Variants in NHSL2 observed in about 807,000 individuals in gnomAD.
NHSL2 encodes the protein NHS-like protein 2.
NHSL2 carries 27 observed loss-of-function variants against 53.4 expected under a neutral mutation model. The observed-to-expected ratio is 0.51, with a 90% confidence interval of 0.37 to 0.70. NHSL2 has a LOEUF of 0.70. NHSL2 is among the 30% of genes least tolerant of loss of function. NHSL2 has a pLI of 0.00. For missense variants in NHSL2, 892 were observed against 980.1 expected, an observed-to-expected ratio of 0.91 and a Z score of 1.20; for synonymous variants, 408 against 404.1, an observed-to-expected ratio of 1.01 and a Z score of -0.12.
intron 1 of NHSL2, among the ~76,000 whole-genome samples, chrX:71,973,251 T>C (rs1004774394): frequency 2.7e-5 from 3 of 112,488 alleles, no homozygotes; most frequent in Non-Finnish European, 5.6e-5. Flanking sequence ...CTAGTGCATG[T>C]GCACAGCCTT....
intron 1 of NHSL2, among the ~76,000 whole-genome samples, chrX:72,020,948 CTT>C (rs940909945): frequency 8.9e-6 from 1 of 112,609 alleles, no homozygotes; most frequent in African/African-American, 3.2e-5. Flanking sequence ...ACAGACCACA[CTT>C]TGAGTAGCAA....
chrX:72,093,612 T>C (rs776282843), intron 1 of NHSL2, among the ~76,000 whole-genome samples: 2 of 112,627 alleles, frequency 1.8e-5, no homozygotes, highest in East Asian at 5.6e-4. Context: ...CATTGATAGA[T>C]GTTGAGGATG....
chrX:71,911,621 T>C (rs2041603236), intron 1 of NHSL2, among the ~76,000 whole-genome samples: 1 of 112,310 alleles, frequency 8.9e-6, no homozygotes, highest in African/African-American at 3.2e-5. Flanking sequence ...CTCCCGACCC[T>C]GGGGTTGGTG....
chrX:72,130,024 C>T (rs771936813), intron 1 of NHSL2: 2 of 1,209,210 alleles, frequency 1.7e-6, no homozygotes, highest in East Asian at 3.0e-5. Context: ...CTGGTTCCTC[C>T]GTCTGCTAGG....
chrX:71,981,412 G>T (rs1440580625), intron 1 of NHSL2, among the ~76,000 whole-genome samples: 1 of 109,720 alleles, frequency 9.1e-6, no homozygotes, highest in Non-Finnish European at 1.9e-5. Context: ...TGAGTGTGTT[G>T]GCACACACCT....
In NHSL2 at chrX:72,143,268, G is replaced by A; in HGVS notation, c.3372G>A (p.Leu1124=). ...TCTTATCTAGGTCCAAAAGGAAGCT[G>A]CTCGGCTGGAAGGAACCTGGTGAGG... ...FTVIHRSKRK[L]LGWKEPGEAF... The change falls in exon 8 of 8, where the codon CTG becomes CTA. Residue 1124 remains leucine, a synonymous_variant. Transcript: ENST00000633930. 8.7e-7 allele frequency: 1 copy of A among 1,156,056 alleles called. No homozygotes were observed. The highest frequency in any genetic ancestry group is 1.2e-6 in the Non-Finnish European group (1 of 866,903).
chrX:72,073,263 G>A (rs909202497), intron 1 of NHSL2, among the ~76,000 whole-genome samples: 1 of 110,614 alleles, frequency 9.0e-6, no homozygotes, highest in African/African-American at 3.3e-5. Context: ...GGGTGAGGGT[G>A]GGGGCGGGGG....
At chrX:72,123,878 C>G (rs2042201194) in intron 1 of NHSL2, among the ~76,000 whole-genome samples, 1 of 111,448 alleles carries the variant, frequency 9.0e-6, no homozygotes, top group Non-Finnish European at 1.9e-5. Context: ...CGCTCTACCC[C>G]ATGTGTGGCA....
intron 1 of NHSL2, among the ~76,000 whole-genome samples, chrX:72,019,758 G>C (rs2042151539): frequency 8.9e-6 from 1 of 112,076 alleles, no homozygotes. Context: ...ACCTCTCTGA[G>C]CCTCAGTCCC....
intron 1 of NHSL2, among the ~76,000 whole-genome samples, chrX:71,921,352 G>A (rs2041657716): frequency 9.3e-6 from 1 of 106,986 alleles, no homozygotes; most frequent in Non-Finnish European, 1.9e-5. Context: ...CCCGGGAGGT[G>A]GAGGTTGCAG....
At chrX:72,135,432 C>T (rs771114585) in intron 4 of NHSL2, among the ~76,000 whole-genome samples, 1 of 111,318 alleles carries the variant, frequency 9.0e-6, no homozygotes, top group East Asian at 2.8e-4. Context: ...AGAAGGAGGG[C>T]CAGTCATTTG....
chrX:72,010,007 C>T (rs1253740205), intron 1 of NHSL2, among the ~76,000 whole-genome samples: 3 of 113,039 alleles, frequency 2.7e-5, no homozygotes, highest in Non-Finnish European at 5.6e-5. Context: ...TTCAGGTCAG[C>T]GGGTGGCAAG....
At chrX:72,076,345 G>T (rs1226208895) in intron 1 of NHSL2, among the ~76,000 whole-genome samples, 1 of 111,709 alleles carries the variant, frequency 9.0e-6, no homozygotes, top group Non-Finnish European at 1.9e-5. Flanking sequence ...GTGAGACCCA[G>T]GTATTTTAGT....
At position 72,069,659 on chromosome X, in the gene NHSL2, G is replaced by C. The variant is rs760929933; in HGVS notation, c.281-62420G>C. On this transcript the variant is annotated intron_variant, in intron 1 of 7. Coordinates refer to ENST00000633930, the MANE Select transcript of NHSL2 (RefSeq NM_001013627.3). Reference sequence around the variant, plus strand: ...GGAGGAGGAGGAGGTGGCAGCGGCCGCCGCGGTGGCTGCCAGTCCAGAGCA... The same window carrying C: ...GGAGGAGGAGGAGGTGGCAGCGGCCCCCGCGGTGGCTGCCAGTCCAGAGCA... The C allele has an allele frequency of 3.7e-5, 35 of 935,803 alleles. No individual in the cohort carries two copies. The African/African-American group carries it at 6.2e-4, about 16-fold the overall frequency. The allele number at this position is 935,803 out of a possible 1,213,427, so 77.1% of individuals were successfully genotyped here. A position where few individuals can be genotyped will look rare whatever the true frequency, so the allele number is the denominator to read the frequency against.
At chrX:72,018,456 G>A (rs2042144569) in intron 1 of NHSL2, among the ~76,000 whole-genome samples, 2 of 113,106 alleles carry the variant, frequency 1.8e-5, no homozygotes, top group South Asian at 7.2e-4. Context: ...TTTAGCGCCA[G>A]AAGCTTCCAT....
intron 1 of NHSL2, among the ~76,000 whole-genome samples, chrX:71,986,635 A>G (rs1384956360): frequency 2.7e-5 from 3 of 112,607 alleles, no homozygotes; most frequent in African/African-American, 9.7e-5. Context: ...ATAACATTTT[A>G]TAAGTTTATC....
intron 1 of NHSL2, among the ~76,000 whole-genome samples, chrX:71,929,810 G>A (rs1464351620): frequency 2.7e-5 from 3 of 109,996 alleles, no homozygotes; most frequent in South Asian, 7.9e-4. Context: ...GCTGAAGTGC[G>A]GTGGCATGAT....
At chrX:71,920,394 T>G (rs1006383663) in intron 1 of NHSL2, among the ~76,000 whole-genome samples, 1 of 111,537 alleles carries the variant, frequency 9.0e-6, no homozygotes, top group African/African-American at 3.3e-5. Context: ...ATAGATATTA[T>G]TGACCAAGAT....
At chrX:71,951,067 A>G (rs2041819140) in intron 1 of NHSL2, among the ~76,000 whole-genome samples, 1 of 107,360 alleles carries the variant, frequency 9.3e-6, no homozygotes, top group African/African-American at 3.5e-5. Flanking sequence ...TTGAAAAAAA[A>G]TAGTGGATAG....
Sources: allele counts gnomAD v4.1 joint callset (sites outside exome capture counted in the v4.1 genomes callset), GRCh38; gene constraint gnomAD v4.1.1; transcripts MANE v1.5; gene names NCBI Gene and HGNC (gene_info 2026-07-23, HGNC 2026-07-21).